DYNC2I2: variants seen among roughly 807,000 people sequenced by gnomAD.
The protein encoded by DYNC2I2 is cytoplasmic dynein 2 intermediate chain 2.
Under a neutral mutation model 52.0 loss-of-function variants are expected in DYNC2I2, and 39 were observed. The ratio of observed to expected loss-of-function variants is 0.75; its 90% CI spans 0.58 to 0.98. The LOEUF (loss-of-function observed/expected upper bound fraction) is 0.98. Ranked by LOEUF, DYNC2I2 falls within the 50% of genes least tolerant of loss-of-function variation. The pLI is 0.00. For synonymous variants in DYNC2I2, 359 were observed against 321.1 expected, an observed-to-expected ratio of 1.12 and a Z score of -1.26; for missense variants, 743 against 728.4, an observed-to-expected ratio of 1.02 and a Z score of -0.23.
chr9:128,647,536 C>T (rs1032910964), intron 1 of DYNC2I2, among the ~76,000 whole-genome samples: 1 of 152,038 alleles, frequency 6.6e-6, no homozygotes, highest in Admixed American at 6.6e-5. Flanking sequence ...GAGATCGAGA[C>T]CATCCTGGCC....
At chr9:128,648,989 A>G (rs1239331325) in intron 1 of DYNC2I2, among the ~76,000 whole-genome samples, 3 of 152,158 alleles carry the variant, frequency 2.0e-5, no homozygotes, top group African/African-American at 7.2e-5. Context: ...CCTCTGGGAC[A>G]TGGAAAACTA....
At chr9:128,672,779 G>C in the DYNC2I2 span, among the ~76,000 whole-genome samples, 7 of 152,144 alleles carry the variant, frequency 4.6e-5, no homozygotes, top group Non-Finnish European at 8.8e-5. Flanking sequence ...TATAATCCCA[G>C]CATTTTGGGA....
chr9:128,634,105 C>A, intron 8 of DYNC2I2, 121 bp downstream of exon 8: 1 of 1,556,426 alleles, frequency 6.4e-7, no homozygotes, highest in Non-Finnish European at 8.7e-7. Flanking sequence ...AGTTGGGTTG[C>A]TGGAGGGAAG....
At chr9:128,640,174 A>AT (rs1031032594) in intron 2 of DYNC2I2, among the ~76,000 whole-genome samples, 3 of 150,642 alleles carry the variant, frequency 2.0e-5, no homozygotes, top group African/African-American at 4.9e-5. Flanking sequence ...CGCCCGGCTA[A>AT]TTTTTTTTTG....
the DYNC2I2 span, among the ~76,000 whole-genome samples, chr9:128,664,217 G>T: frequency 6.6e-6 from 1 of 152,036 alleles, no homozygotes; most frequent in Admixed American, 6.6e-5. Context: ...CTTCCAAAGT[G>T]CTGGGATTAC....
chr9:128,647,297 A>C (rs1442929025), intron 1 of DYNC2I2, among the ~76,000 whole-genome samples: 1 of 152,192 alleles, frequency 6.6e-6, no homozygotes, highest in Non-Finnish European at 1.5e-5. Context: ...TGTGACTAGC[A>C]AGAGGGTAAG....
the DYNC2I2 span, among the ~76,000 whole-genome samples, chr9:128,669,192 C>T: frequency 5.3e-5 from 8 of 151,904 alleles, no homozygotes; most frequent in East Asian, 1.9e-4. Flanking sequence ...GGTGAAACTC[C>T]GTCTCTACTA....
intron 2 of DYNC2I2, among the ~76,000 whole-genome samples, chr9:128,637,447 T>C (rs1017033848): frequency 1.2e-4 from 19 of 152,174 alleles, no homozygotes; most frequent in African/African-American, 4.6e-4. Context: ...GGTTAGTTGG[T>C]TGGTTTTCTT....
chr9:128,672,402 C>A, the DYNC2I2 span, among the ~76,000 whole-genome samples: 1 of 151,668 alleles, frequency 6.6e-6, no homozygotes. Flanking sequence ...CCATGTTGGC[C>A]AGGCTAGTCT....
chr9:128,635,347 G>GAA, intron 5 of DYNC2I2, 88 bp from the exon 6 acceptor site: 14 of 1,169,138 alleles, frequency 1.2e-5, no homozygotes, highest in East Asian at 9.5e-5. Context: ...TCTCTTCCAG[G>GAA]AAAAAAAAAA....
At chr9:128,635,333 T>A in intron 5 of DYNC2I2, 74 bp from the exon 6 acceptor site, 1 of 1,474,208 alleles carries the variant, frequency 6.8e-7, no homozygotes, top group Non-Finnish European at 9.0e-7. Context: ...ACCCCTACCC[T>A]CCCTCTCTTC....
the DYNC2I2 span, among the ~76,000 whole-genome samples, chr9:128,676,226 C>CA: frequency 1.3e-5 from 2 of 152,126 alleles, no homozygotes; most frequent in African/African-American, 4.8e-5. Context: ...CACAGTGGCT[C>CA]ACGCCTGTAA....
At chr9:128,671,121 A>G in the DYNC2I2 span, among the ~76,000 whole-genome samples, 1 of 150,688 alleles carries the variant, frequency 6.6e-6, no homozygotes, top group Non-Finnish European at 1.5e-5. Context: ...GAAAAGCAGT[A>G]GCATCATCAG....
the DYNC2I2 span, among the ~76,000 whole-genome samples, chr9:128,668,745 A>G: frequency 1.3e-5 from 2 of 150,918 alleles, no homozygotes; most frequent in African/African-American, 2.4e-5. Flanking sequence ...GCTTGATCCC[A>G]GGAGGTAGAA....
chr9:128,649,006 A>C (rs188815102), intron 1 of DYNC2I2, among the ~76,000 whole-genome samples: 1 of 151,930 alleles, frequency 6.6e-6, no homozygotes, highest in East Asian at 1.9e-4. Flanking sequence ...ACTACAGGAG[A>C]CTCACCCCTG....
chr9:128,655,936 G>C (rs575463225), intron 1 of DYNC2I2, among the ~76,000 whole-genome samples: 1 of 140,662 alleles, frequency 7.1e-6, no homozygotes, highest in Non-Finnish European at 1.5e-5. Flanking sequence ...GCCTGAACGC[G>C]GTGGCTCACA....
chr9:128,664,849 G>A, the DYNC2I2 span, among the ~76,000 whole-genome samples: 1 of 151,698 alleles, frequency 6.6e-6, no homozygotes, highest in Non-Finnish European at 1.5e-5. Context: ...TTGGCCAGGT[G>A]AAGTAGCTCA....
At chr9:128,670,767 A>G in the DYNC2I2 span, among the ~76,000 whole-genome samples, 1 of 124,226 alleles carries the variant, frequency 8.0e-6, no homozygotes, top group Admixed American at 8.3e-5. Context: ...AAAAAAAAAA[A>G]GAGAGAGAGA....
At chr9:128,676,847 T>TG in the DYNC2I2 span, among the ~76,000 whole-genome samples, 96 of 123,386 alleles carry the variant, frequency 7.8e-4, no homozygotes, top group African/African-American at 2.4e-3. Flanking sequence ...CTGTTTTTTT[T>TG]TTTGTTTTGT....
Sources: gnomAD v4.1 joint callset for allele counts (sites outside exome capture counted in the v4.1 genomes callset) on GRCh38, gnomAD v4.1.1 for gene constraint, MANE v1.5 for transcripts, NCBI Gene and HGNC (gene_info 2026-07-23, HGNC 2026-07-21) for gene names.